Variants in TCF7L1 observed in about 807,000 individuals in gnomAD.
The protein encoded by TCF7L1 is transcription factor 7 like 1.
A neutral mutation model predicts 63.7 loss-of-function variants in TCF7L1; 18 were observed. That is an observed-to-expected ratio of 0.28 (90% confidence interval 0.20 to 0.42). The LOEUF is 0.42. Ranked by LOEUF, TCF7L1 falls within the 10% of genes least tolerant of loss-of-function variation. The pLI, the probability that TCF7L1 is intolerant of heterozygous loss-of-function variation, is 1.00. For missense variants in TCF7L1, 654 were observed against 779.3 expected (o/e 0.84, Z 1.91); for synonymous variants, 355 against 340.9 (o/e 1.04, Z -0.46).
intron 3 of TCF7L1, among the ~76,000 whole-genome samples, chr2:85,196,033 G>C (rs1679147034): frequency 1.3e-5 from 2 of 152,140 alleles, no homozygotes; most frequent in Admixed American, 6.5e-5. Context: ...CCAGGCAGCA[G>C]CCCAGTCTGC....
At chr2:85,139,609 C>A (rs932764167) in intron 3 of TCF7L1, among the ~76,000 whole-genome samples, 3 of 152,148 alleles carry the variant, frequency 2.0e-5, no homozygotes, top group Non-Finnish European at 4.4e-5. Flanking sequence ...CTCAGTCATT[C>A]TTTAATCCAG....
intron 3 of TCF7L1, among the ~76,000 whole-genome samples, chr2:85,163,191 G>A (rs1294379220): frequency 6.6e-6 from 1 of 152,178 alleles, no homozygotes; most frequent in Non-Finnish European, 1.5e-5. Context: ...GGTCTGGGGT[G>A]GGGCTCAGGC....
intron 7 of TCF7L1, among the ~76,000 whole-genome samples, chr2:85,304,795 T>C (rs6753341): frequency 0.029 from 4,487 of 152,306 alleles, 240 homozygotes; most frequent in African/African-American, 0.1. Context: ...CAAAATATCC[T>C]AAGTCACGGA....
At chr2:85,260,918 G>A (rs908038563) in intron 3 of TCF7L1, among the ~76,000 whole-genome samples, 7 of 152,028 alleles carry the variant, frequency 4.6e-5, no homozygotes, top group African/African-American at 1.7e-4. Context: ...TCTGGGATTT[G>A]GTTTTATTAC....
chr2:85,249,431 A>G (rs1012290926), intron 3 of TCF7L1, among the ~76,000 whole-genome samples: 1 of 152,040 alleles, frequency 6.6e-6, no homozygotes, highest in African/African-American at 2.4e-5. Context: ...GAATCTGAGG[A>G]TATGTTTGTT....
At chr2:85,256,704 A>G (rs370242553) in intron 3 of TCF7L1, among the ~76,000 whole-genome samples, 2 of 152,166 alleles carry the variant, frequency 1.3e-5, no homozygotes, top group Non-Finnish European at 2.9e-5. Flanking sequence ...TGATATTTAC[A>G]TATTGGGCCA....
In TCF7L1 at chr2:85,309,087, C is replaced by G. The variant is rs774078707; in HGVS notation, c.1392C>G (p.Pro464=). ...TTCAGTACCTGCCCCCCGAGAAGCCCTGTGACAGCCCTGCCTCCTCCCACG... is the reference window on the plus strand; with the variant it reads ...TTCAGTACCTGCCCCCCGAGAAGCCGTGTGACAGCCCTGCCTCCTCCCACG... ...PCVQYLPPEK[P]CDSPASSHGS... is the part of the protein sequence containing the mutation. The change falls in exon 12 of 12, where the codon CCC becomes CCG. Residue 464 remains proline (P), a synonymous_variant. Transcript: ENST00000282111. 71 of 1,613,648 alleles carry G rather than the reference C, an allele frequency of 4.4e-5. 1 individual carries two copies. The South Asian group carries it at 7.4e-4, about 17-fold the overall frequency.
At chr2:85,230,906 G>C (rs2104312283) in intron 3 of TCF7L1, among the ~76,000 whole-genome samples, 1 of 152,252 alleles carries the variant, frequency 6.6e-6, no homozygotes, top group East Asian at 1.9e-4. Flanking sequence ...TTTGCTGTTA[G>C]TTTTCCATAA....
intron 3 of TCF7L1, among the ~76,000 whole-genome samples, chr2:85,271,750 G>T (rs1011604125): frequency 6.6e-6 from 1 of 152,152 alleles, no homozygotes; most frequent in South Asian, 2.1e-4. Context: ...TTGATGGAGG[G>T]CTCTGTACAG....
At chr2:85,217,708 A>G (rs1014756156) in intron 3 of TCF7L1, among the ~76,000 whole-genome samples, 1 of 152,196 alleles carries the variant, frequency 6.6e-6, no homozygotes, top group African/African-American at 2.4e-5. Flanking sequence ...AGTATCCCTT[A>G]TCCAAAATGT....
At chr2:85,250,570 G>A (rs1200130422) in intron 3 of TCF7L1, among the ~76,000 whole-genome samples, 3 of 152,082 alleles carry the variant, frequency 2.0e-5, no homozygotes, top group African/African-American at 7.2e-5. Context: ...CTGAGTAGCT[G>A]GGATTACAGG....
intron 3 of TCF7L1, among the ~76,000 whole-genome samples, chr2:85,251,654 T>G (rs1680590385): frequency 6.6e-6 from 1 of 152,204 alleles, no homozygotes. Context: ...GTCACTCTTG[T>G]AAATCGCCGC....
chr2:85,297,980 C>T (rs1681870862), intron 4 of TCF7L1, among the ~76,000 whole-genome samples: 1 of 150,636 alleles, frequency 6.6e-6, no homozygotes, highest in Admixed American at 6.6e-5. Context: ...TTGTTTGAGA[C>T]AGAGTCTCCC....
At chr2:85,272,897 C>T (rs1281898893) in intron 3 of TCF7L1, among the ~76,000 whole-genome samples, 1 of 152,222 alleles carries the variant, frequency 6.6e-6, no homozygotes, top group African/African-American at 2.4e-5. Flanking sequence ...GAGGCTTCCC[C>T]AGAGCTGCCC....
chr2:85,278,391 T>G (rs560458577), intron 3 of TCF7L1, among the ~76,000 whole-genome samples: 1 of 152,354 alleles, frequency 6.6e-6, no homozygotes, highest in South Asian at 2.1e-4. Flanking sequence ...TCACCTTTAC[T>G]TAGGAATGTA....
At chr2:85,239,943 C>CT (rs1680284448) in intron 3 of TCF7L1, among the ~76,000 whole-genome samples, 1 of 41,376 alleles carries the variant, frequency 2.4e-5, no homozygotes, top group African/African-American at 1.1e-4. Context: ...GAGACTCCAT[C>CT]TAAAAAAAAA....
chr2:85,295,775 C>CTTTTTTTTTTTTTTTTTTTTT (rs56373561), intron 4 of TCF7L1, among the ~76,000 whole-genome samples: 1 of 100,884 alleles, frequency 9.9e-6, no homozygotes. Flanking sequence ...GTAACATTTA[C>CTTTTTTTTTTTTTTTTTTTTT]TTTTTTTTTT....
At chr2:85,278,526 T>C (rs1417719093) in intron 3 of TCF7L1, among the ~76,000 whole-genome samples, 1 of 152,226 alleles carries the variant, frequency 6.6e-6, no homozygotes, top group Non-Finnish European at 1.5e-5. Context: ...AATCTATTGC[T>C]ATATATACAT....
intron 3 of TCF7L1, among the ~76,000 whole-genome samples, chr2:85,146,852 A>C (rs920615084): frequency 3.3e-5 from 5 of 152,072 alleles, no homozygotes; most frequent in Admixed American, 6.5e-5. Context: ...TTAGTACCTG[A>C]CGTAGAATCA....
Sources: gnomAD v4.1 joint callset for allele counts (sites outside exome capture counted in the v4.1 genomes callset) on GRCh38, gnomAD v4.1.1 for gene constraint, MANE v1.5 for transcripts, NCBI Gene and HGNC (gene_info 2026-07-23, HGNC 2026-07-21) for gene names.